THADA: variants seen among roughly 807,000 people sequenced by gnomAD.
THADA encodes tRNA (32-2'-O)-methyltransferase regulator THADA.
THADA carries 213 observed loss-of-function variants against 219.8 expected under a neutral mutation model. The observed-to-expected ratio is 0.97, with a 90% confidence interval of 0.87 to 1.09. The LOEUF (loss-of-function observed/expected upper bound fraction) is 1.09, where lower values mean the gene tolerates loss of function less well. Ranked by LOEUF, THADA falls within the 50% of genes least tolerant of loss-of-function variation. The pLI is 0.00. For synonymous variants in THADA, 1,018 were observed against 828.9 expected, an observed-to-expected ratio of 1.23 and a Z score of -3.92; for missense variants, 2,956 against 2,311.3, an observed-to-expected ratio of 1.28 and a Z score of -5.72.
intron 26 of THADA, among the ~76,000 whole-genome samples, chr2:43,471,988 C>T (rs2104965422): frequency 6.6e-6 from 1 of 152,280 alleles, no homozygotes; most frequent in South Asian, 2.1e-4. Context: ...AACCAAGAAA[C>T]ATGTTTCCTT....
At chr2:43,276,129 T>C (rs989479165) in intron 36 of THADA, among the ~76,000 whole-genome samples, 1 of 152,194 alleles carries the variant, frequency 6.6e-6, no homozygotes, top group African/African-American at 2.4e-5. Context: ...AAATTTTTTT[T>C]CTCCTAGCTA....
Position 43,592,411 on chromosome 2 carries a change from T to C in THADA, c.-19A>G, listed in dbSNP as rs1358725773. On this transcript the variant is annotated 5_prime_UTR_variant, in exon 2 of 38. Transcript: ENST00000405975. ...CACCCATTTTAAATAGAATTAATAGTAGTCACTGCAAGAAAGAAGACTTTA... is the reference window on the plus strand; with the variant it reads ...CACCCATTTTAAATAGAATTAATAGCAGTCACTGCAAGAAAGAAGACTTTA... 7 of 1,544,494 alleles carry C rather than the reference T, an allele frequency of 4.5e-6. No individual in the cohort carries two copies. Among genetic ancestry groups the C allele is most frequent in the South Asian group, 1.2e-5 (1 of 85,292 alleles).
intron 22 of THADA, among the ~76,000 whole-genome samples, chr2:43,512,806 G>C (rs776973035): frequency 1.3e-5 from 2 of 152,160 alleles, no homozygotes; most frequent in African/African-American, 2.4e-5. Context: ...CCGGCCACAA[G>C]TTTTATTTAA....
intron 16 of THADA, among the ~76,000 whole-genome samples, chr2:43,559,142 G>C (rs1697753208): frequency 6.6e-6 from 1 of 152,190 alleles, no homozygotes; most frequent in African/African-American, 2.4e-5. Flanking sequence ...AGGAGTGGCA[G>C]ACAGAGGAAG....
intron 26 of THADA, among the ~76,000 whole-genome samples, chr2:43,469,363 C>T (rs1019846108): frequency 6.6e-6 from 1 of 152,022 alleles, no homozygotes; most frequent in Non-Finnish European, 1.5e-5. Flanking sequence ...AGGGCAGGTC[C>T]AACTTACAGA....
chr2:43,406,762 C>G (rs1331171667), intron 28 of THADA, among the ~76,000 whole-genome samples: 1 of 152,200 alleles, frequency 6.6e-6, no homozygotes, highest in Non-Finnish European at 1.5e-5. Flanking sequence ...TTCTCTCTGA[C>G]CCTGTACCAA....
At position 43,298,606 on chromosome 2, in the gene THADA, TAAAAA is replaced by T. The variant is rs368669954; in HGVS notation, c.4439-5398_4439-5394del. 4.9e-3 allele frequency among the ~76,000 whole-genome samples: 722 copies of T among 146,786 alleles called. 10 individuals carry two copies. The highest frequency in any genetic ancestry group is 0.017 in the African/African-American group (677 of 40,152). ...CAAGAATTATCAATAAAAAAAAAATTAAAAAAAAAAAATTGTAATTAACAACAGGA... is the reference window on the plus strand; with the variant it reads ...CAAGAATTATCAATAAAAAAAAAATTAAAAAAATTGTAATTAACAACAGGA... On this transcript the variant is annotated intron_variant, in intron 31 of 37. Coordinates refer to ENST00000405975, the MANE Select transcript of THADA (RefSeq NM_022065.5).
At chr2:43,394,263 CACA>C (rs1673755510) in intron 29 of THADA, among the ~76,000 whole-genome samples, 1 of 152,176 alleles carries the variant, frequency 6.6e-6, no homozygotes, top group African/African-American at 2.4e-5. Flanking sequence ...AAATGAATCC[CACA>C]TGTTCTTTTT....
chr2:43,442,851 T>A (rs1681022444), intron 26 of THADA, among the ~76,000 whole-genome samples: 1 of 152,180 alleles, frequency 6.6e-6, no homozygotes, highest in South Asian at 2.1e-4. Context: ...ACCCTCTAGA[T>A]TGTGGCAAAT....
intron 8 of THADA, among the ~76,000 whole-genome samples, chr2:43,579,732 C>A (rs1055424829): frequency 3.3e-5 from 5 of 152,166 alleles, no homozygotes; most frequent in Non-Finnish European, 5.9e-5. Context: ...CTTCTTCCTG[C>A]CTTGAATAAA....
chr2:43,511,662 C>T (rs187147794), intron 22 of THADA, among the ~76,000 whole-genome samples: 1 of 85,822 alleles, frequency 1.2e-5, no homozygotes, highest in African/African-American at 5.5e-5. Context: ...ACACACACAC[C>T]TCATATTCCC....
At chr2:43,367,032 C>T (rs1031080804) in intron 29 of THADA, among the ~76,000 whole-genome samples, 2 of 152,052 alleles carry the variant, frequency 1.3e-5, no homozygotes, top group Admixed American at 6.5e-5. Flanking sequence ...TGACACATGC[C>T]AAAACACAGA....
chr2:43,505,790 T>G, intron 23 of THADA, 55 bp from the exon 24 acceptor site: 1 of 1,276,842 alleles, frequency 7.8e-7, no homozygotes, highest in Non-Finnish European at 1.1e-6. Flanking sequence ...TATACTTGTT[T>G]GCTGCTTCCC....
At chr2:43,534,161 A>C (rs1694250890) in intron 21 of THADA, among the ~76,000 whole-genome samples, 2 of 152,224 alleles carry the variant, frequency 1.3e-5, no homozygotes, top group African/African-American at 4.8e-5. Context: ...CCTTTTATGA[A>C]GACAGATTTT....
At chr2:43,536,236 C>G (rs1304514445) in intron 21 of THADA, among the ~76,000 whole-genome samples, 2 of 152,156 alleles carry the variant, frequency 1.3e-5, no homozygotes, top group African/African-American at 4.8e-5. Context: ...GTTCGTGGAG[C>G]CTTTATCGAA....
At chr2:43,532,809 A>C (rs1224484882) in intron 21 of THADA, among the ~76,000 whole-genome samples, 1 of 152,224 alleles carries the variant, frequency 6.6e-6, no homozygotes, top group Non-Finnish European at 1.5e-5. Flanking sequence ...AAACCTAGGC[A>C]ATACCATTCA....
intron 17 of THADA, among the ~76,000 whole-genome samples, chr2:43,553,262 T>C (rs1228175803): frequency 6.6e-6 from 1 of 152,216 alleles, no homozygotes; most frequent in Non-Finnish European, 1.5e-5. Flanking sequence ...CTTAGGTATA[T>C]CCTTGTTATG....
chr2:43,389,620 G>A (rs1307778903), intron 29 of THADA, among the ~76,000 whole-genome samples: 2 of 152,186 alleles, frequency 1.3e-5, no homozygotes, highest in Non-Finnish European at 2.9e-5. Context: ...ATGCTGACCT[G>A]CACCCACCCT....
intron 20 of THADA, among the ~76,000 whole-genome samples, chr2:43,542,829 CA>C (rs1483813714): frequency 6.6e-6 from 1 of 152,170 alleles, no homozygotes; most frequent in Non-Finnish European, 1.5e-5. Flanking sequence ...TGCACAACAG[CA>C]CCTAATAGGC....
Sources: gnomAD v4.1 joint callset for allele counts (sites outside exome capture counted in the v4.1 genomes callset) on GRCh38, gnomAD v4.1.1 for gene constraint, MANE v1.5 for transcripts, NCBI Gene and HGNC (gene_info 2026-07-23, HGNC 2026-07-21) for gene names.